BMP5: variants seen among roughly 807,000 people sequenced by gnomAD.
BMP5 encodes the protein bone morphogenetic protein 5.
BMP5 carries 23 observed loss-of-function variants against 46.6 expected under a neutral mutation model. The observed-to-expected ratio is 0.49, with a 90% confidence interval of 0.35 to 0.70. The LOEUF is 0.70. BMP5 is among the 30% of genes least tolerant of loss of function. The pLI is 0.00. For synonymous variants in BMP5, 204 were observed against 191.9 expected (o/e 1.06, Z -0.52); for missense variants, 545 against 565.6 (o/e 0.96, Z 0.37).
At chr6:55,760,734 A>G (rs1774754265) in intron 4 of BMP5, among the ~76,000 whole-genome samples, 1 of 151,974 alleles carries the variant, frequency 6.6e-6, no homozygotes, top group South Asian at 2.1e-4. Context: ...CTTCTGTGAG[A>G]TGTAGACAAT....
chr6:55,813,032 G>A (rs867742265), intron 2 of BMP5, among the ~76,000 whole-genome samples: 2 of 151,600 alleles, frequency 1.3e-5, no homozygotes, highest in Admixed American at 1.3e-4. Context: ...AAATTTTTTC[G>A]AAAAATAAAA....
intron 3 of BMP5, among the ~76,000 whole-genome samples, chr6:55,792,361 G>C (rs1342809566): frequency 9.9e-5 from 15 of 151,842 alleles, no homozygotes. Context: ...GTGAAACCCC[G>C]TCTCTACTAA....
chr6:55,769,094 C>G (rs1051965837), intron 4 of BMP5, among the ~76,000 whole-genome samples: 4 of 151,906 alleles, frequency 2.6e-5, no homozygotes, highest in African/African-American at 9.7e-5. Context: ...GCTGACTGAT[C>G]AGGTTGGTGA....
chr6:55,781,805 T>C (rs569430097), intron 3 of BMP5, among the ~76,000 whole-genome samples: 1 of 152,034 alleles, frequency 6.6e-6, no homozygotes, highest in East Asian at 2.0e-4. Flanking sequence ...GAGACAGGGT[T>C]TCACCATGTT....
At position 55,853,345 on chromosome 6, in the gene BMP5, T is replaced by TCG. The variant is rs966834732; in HGVS notation, c.490+21030_490+21031insCG. On this transcript the variant is annotated intron_variant, in intron 1 of 6. Coordinates refer to ENST00000370830, the MANE Select transcript of BMP5 (RefSeq NM_021073.4). The stretch of plus-strand genomic sequence containing the variant: ...CTCCCCCTCCCCCTCCCCCGCTTTC[T>TCG]CTCTCTCTCTCTCTCTCTGACTCTC... Among the ~76,000 whole-genome samples the TCG allele has an allele frequency of 7.3e-5, 10 of 136,528 alleles. No homozygotes were observed. The Admixed American group carries it at 7.4e-4, about 10-fold the overall frequency. 89.6% of individuals were successfully genotyped at this position (136,528 alleles called of 152,430 possible). A position where few individuals can be genotyped will look rare whatever the true frequency, so the allele number is the denominator to read the frequency against.
Position 55,874,625 on chromosome 6 carries a change from TAAAG to T in BMP5, c.237_240del (p.Phe80CysfsTer8). 1 of 1,613,606 alleles carries T rather than the reference TAAAG, an allele frequency of 6.2e-7. No individual in the cohort carries two copies. The highest frequency in any genetic ancestry group is 8.5e-7 in the Non-Finnish European group (1 of 1,179,734). ...GTCATGGCATTGTAGAGATCCAGCA[TAAAG>T]AGAGGTGCAGAGGACGCTTGTTTTC... On this transcript the variant is annotated frameshift_variant, in exon 1 of 7. Transcript: ENST00000370830. LOFTEE classifies it high-confidence loss of function.
intron 2 of BMP5, among the ~76,000 whole-genome samples, chr6:55,796,119 G>C (rs1775706291): frequency 1.3e-5 from 2 of 152,030 alleles, no homozygotes; most frequent in East Asian, 3.9e-4. Flanking sequence ...TCTTAAACAG[G>C]AGCAGTCACC....
At chr6:55,804,906 T>C (rs574808627) in intron 2 of BMP5, among the ~76,000 whole-genome samples, 5 of 152,182 alleles carry the variant, frequency 3.3e-5, no homozygotes, top group Non-Finnish European at 5.9e-5. Flanking sequence ...TAGAACTTCT[T>C]GCACTATTTC....
intron 2 of BMP5, among the ~76,000 whole-genome samples, chr6:55,797,426 G>T (rs1017914211): frequency 1.3e-5 from 2 of 152,042 alleles, no homozygotes; most frequent in Non-Finnish European, 2.9e-5. Flanking sequence ...AGAACAGTGC[G>T]ATAGAGAAAA....
At chr6:55,792,845 G>A (rs1000712995) in intron 3 of BMP5, among the ~76,000 whole-genome samples, 4 of 152,158 alleles carry the variant, frequency 2.6e-5, no homozygotes, top group African/African-American at 9.7e-5. Flanking sequence ...GAGGTAGACT[G>A]TAGGCCTAAT....
At chr6:55,847,094 T>G (rs961334336) in intron 1 of BMP5, among the ~76,000 whole-genome samples, 41 of 151,938 alleles carry the variant, frequency 2.7e-4, no homozygotes, top group Non-Finnish European at 5.9e-4. Context: ...GACTAGGCAC[T>G]GCAGTTCCTA....
At chr6:55,764,719 TAAAA>T (rs530066820) in intron 4 of BMP5, among the ~76,000 whole-genome samples, 1 of 124,934 alleles carries the variant, frequency 8.0e-6, no homozygotes. Flanking sequence ...ATGTGTAAGC[TAAAA>T]AAAAAAAAAA....
chr6:55,803,932 G>C (rs1444871430), intron 2 of BMP5, among the ~76,000 whole-genome samples: 1 of 152,102 alleles, frequency 6.6e-6, no homozygotes, highest in African/African-American at 2.4e-5. Flanking sequence ...CTGCCTATGG[G>C]AAGCTAACTT....
At chr6:55,807,225 T>C (rs890052497) in intron 2 of BMP5, among the ~76,000 whole-genome samples, 8 of 152,208 alleles carry the variant, frequency 5.3e-5, no homozygotes, top group African/African-American at 1.9e-4. Flanking sequence ...TAGCTCTTAT[T>C]ATTTTGAGAT....
rs1206055052 is a variant in BMP5 at position 55,875,370 on chromosome 6, A to C, written c.-505T>G. 6.0e-6 allele frequency: 1 copy of C among 165,754 alleles called. No homozygotes were observed. The highest frequency in any genetic ancestry group is 2.4e-5 in the African/African-American group (1 of 41,486). 10.3% of individuals were successfully genotyped at this position (165,754 alleles called of 1,614,324 possible). On this transcript the variant is annotated 5_prime_UTR_variant, in exon 1 of 7. In the 5' UTR this introduces an upstream ATG that the reference lacks. Transcript: ENST00000370830. ...ATGCTGATCTGCACCTTGGTGTTGG[A>C]ATATATATCTGTCCGGCAGCTTGGT...
At chr6:55,786,503 A>T (rs1775453800) in intron 3 of BMP5, among the ~76,000 whole-genome samples, 1 of 151,522 alleles carries the variant, frequency 6.6e-6, no homozygotes, top group Non-Finnish European at 1.5e-5. Context: ...AAGAGCCCTC[A>T]GTTTGCCTTT....
chr6:55,791,848 G>C (rs1409263545), intron 3 of BMP5, among the ~76,000 whole-genome samples: 2 of 152,206 alleles, frequency 1.3e-5, no homozygotes, highest in African/African-American at 4.8e-5. Flanking sequence ...CCAAAGAGGA[G>C]AGTGGGAGAA....
intron 1 of BMP5, among the ~76,000 whole-genome samples, chr6:55,870,470 T>C (rs1484290741): frequency 6.7e-6 from 1 of 150,218 alleles, no homozygotes; most frequent in Non-Finnish European, 1.5e-5. Flanking sequence ...AGGCATAATT[T>C]ATGAATATAT....
intron 1 of BMP5, among the ~76,000 whole-genome samples, chr6:55,852,407 C>A (rs1205578178): frequency 6.6e-6 from 1 of 151,972 alleles, no homozygotes; most frequent in Non-Finnish European, 1.5e-5. Context: ...TGTGTCACAA[C>A]TTATTTATAC....
Sources: gnomAD v4.1 joint callset for allele counts (sites outside exome capture counted in the v4.1 genomes callset) on GRCh38, gnomAD v4.1.1 for gene constraint, MANE v1.5 for transcripts, NCBI Gene and HGNC (gene_info 2026-07-23, HGNC 2026-07-21) for gene names.